BNC2: variants seen among roughly 807,000 people sequenced by gnomAD.
The protein encoded by BNC2 is basonuclin zinc finger protein 2.
BNC2 carries 20 observed loss-of-function variants against 76.3 expected under a neutral mutation model. That is an observed-to-expected ratio of 0.26 (90% CI 0.18 to 0.38). The LOEUF (loss-of-function observed/expected upper bound fraction) is 0.38, where lower values mean the gene tolerates loss of function less well. BNC2 is among the 10% of genes least tolerant of loss of function. The pLI is 1.00. For synonymous variants in BNC2, 582 were observed against 514.8 expected (o/e 1.13, Z -1.77); for missense variants, 1,382 against 1,399.8 (o/e 0.99, Z 0.20).
intron 1 of BNC2, among the ~76,000 whole-genome samples, chr9:16,863,476 C>T (rs1819463996): frequency 6.6e-6 from 1 of 152,146 alleles, no homozygotes; most frequent in Non-Finnish European, 1.5e-5. Context: ...CAGTGGATCA[C>T]CTGAGGTCAG....
Position 16,610,953 on chromosome 9 carries a change from C to A in BNC2, c.331-27868G>T, listed in dbSNP as rs114823542. Among the ~76,000 whole-genome samples the A allele has an allele frequency of 6.4e-3, 981 of 152,168 alleles. 13 individuals carry two copies. Among genetic ancestry groups the A allele is most frequent in the African/African-American group, 0.022 (922 of 41,520 alleles). ...TAATACAGCTCCTGTAATTACACTG[C>A]GGTTCTTTATATTAACTCAGTGAAA... On this transcript the variant is annotated intron_variant, in intron 3 of 6. Coordinates refer to ENST00000380672, the MANE Select transcript of BNC2 (RefSeq NM_017637.6).
chr9:16,707,406 C>G (rs908341910), intron 3 of BNC2, among the ~76,000 whole-genome samples: 1 of 152,138 alleles, frequency 6.6e-6, no homozygotes, highest in Non-Finnish European at 1.5e-5. Flanking sequence ...CAAACAGATA[C>G]ACTTTTCTTC....
At chr9:16,718,055 G>A (rs911860444) in intron 3 of BNC2, among the ~76,000 whole-genome samples, 23 of 152,186 alleles carry the variant, frequency 1.5e-4, no homozygotes, top group African/African-American at 5.5e-4. Flanking sequence ...AATGTGGCCC[G>A]GGATGCAGGA....
intron 1 of BNC2, among the ~76,000 whole-genome samples, chr9:16,780,011 C>G (rs1051973736): frequency 6.6e-6 from 1 of 150,972 alleles, no homozygotes; most frequent in Non-Finnish European, 1.5e-5. Context: ...CCGAGGCGGG[C>G]GGATCACAAG....
At position 16,435,576 on chromosome 9, in the gene BNC2, G is replaced by A; in HGVS notation, c.2618C>T (p.Pro873Leu). Residue 873 changes from proline (P) to leucine (L), a missense_variant, in exon 6 of 7, where the codon CCC becomes CTC. Pro to Leu is a moderately conservative substitution (Grantham distance 98). Around this residue, in one of 3 missense-constraint regions of BNC2, gnomAD observed 798 missense variants for 775.5 expected, o/e 1.03. Coordinates refer to ENST00000380672, the MANE Select transcript of BNC2 (RefSeq NM_017637.6). Reference protein sequence around the residue: ...CTVAGCNAAFPSRRSRDRHSA... With the variant: ...CTVAGCNAAFLSRRSRDRHSA... ...TGACCTGTCTCGGCTTCGGCGAGAG[G>A]GGAATGCAGCATTGCAACCAGCCAC... 4.3e-6 allele frequency: 7 copies of A among 1,614,008 alleles called. No individual in the cohort carries two copies. Among genetic ancestry groups the A allele is most frequent in the Non-Finnish European group, 5.9e-6 (7 of 1,180,006 alleles).
chr9:16,797,809 C>T (rs1688358248), intron 1 of BNC2, among the ~76,000 whole-genome samples: 1 of 152,038 alleles, frequency 6.6e-6, no homozygotes, highest in Non-Finnish European at 1.5e-5. Flanking sequence ...CTCCAGTCTA[C>T]CAGTGTGGCA....
At chr9:16,419,917 C>T (rs1820676230) in intron 6 of BNC2, among the ~76,000 whole-genome samples, 1 of 152,190 alleles carries the variant, frequency 6.6e-6, no homozygotes, top group East Asian at 1.9e-4. Context: ...TGAATGCAAA[C>T]CCGTGCACCT....
At chr9:16,614,958 T>TAAAAAAAAAAAA (rs60545823) in intron 3 of BNC2, among the ~76,000 whole-genome samples, 1 of 62,518 alleles carries the variant, frequency 1.6e-5, no homozygotes, top group Non-Finnish European at 3.0e-5. Context: ...TCTGTCTCTT[T>TAAAAAAAAAAAA]AAAAAAAAAA....
intron 1 of BNC2, among the ~76,000 whole-genome samples, chr9:16,751,631 T>TAC (rs1193815164): frequency 3.8e-5 from 1 of 26,536 alleles, no homozygotes; most frequent in Non-Finnish European, 2.3e-4. Flanking sequence ...TATATATATG[T>TAC]ATGTATATAT....
chr9:16,787,867 C>A lies in BNC2; in HGVS notation c.4-49382G>T, dbSNP rs565865201. ...CGCCCTGCCCTTAGACAATATTAATCAAGCACAGAATTATTTCCTTAGCCA... is the reference window on the plus strand; with the variant it reads ...CGCCCTGCCCTTAGACAATATTAATAAAGCACAGAATTATTTCCTTAGCCA... On this transcript the variant is annotated intron_variant, in intron 1 of 6. Coordinates refer to ENST00000380672, the MANE Select transcript of BNC2 (RefSeq NM_017637.6). 4.6e-5 allele frequency among the ~76,000 whole-genome samples: 7 copies of A among 152,236 alleles called. No homozygotes were observed. The East Asian group carries it at 1.4e-3, about 29-fold the overall frequency.
Position 16,670,438 on chromosome 9 carries a change from C to T in BNC2, c.330+57359G>A, listed in dbSNP as rs371915037. ...CAAGTCATCTTCCCACCTCTGCCTC[C>T]CAAAGTGCTGGGATTACAAGCATGA... is the stretch of plus-strand genomic sequence containing the variant. On this transcript the variant is annotated intron_variant, in intron 3 of 6. Transcript: ENST00000380672. 4.5e-3 allele frequency among the ~76,000 whole-genome samples: 688 copies of T among 152,262 alleles called. 2 individuals carry two copies. Among genetic ancestry groups the T allele is most frequent in the African/African-American group, 0.015 (607 of 41,548 alleles).
At chr9:16,648,056 C>T (rs1432245208) in intron 3 of BNC2, among the ~76,000 whole-genome samples, 1 of 152,014 alleles carries the variant, frequency 6.6e-6, no homozygotes, top group Non-Finnish European at 1.5e-5. Flanking sequence ...CAGAGAGTCA[C>T]CAATGTACGC....
At chr9:16,512,139 TC>T (rs1419204758) in intron 5 of BNC2, among the ~76,000 whole-genome samples, 1 of 152,166 alleles carries the variant, frequency 6.6e-6, no homozygotes, top group African/African-American at 2.4e-5. Context: ...CGCATTACCC[TC>T]CTCAATATTA....
In BNC2 at chr9:16,517,363, C is replaced by A. The variant is rs989444288; in HGVS notation, c.669+35167G>T. 6.8e-4 allele frequency among the ~76,000 whole-genome samples: 103 copies of A among 152,130 alleles called. 1 individual carries two copies. The highest frequency in any genetic ancestry group is 6.7e-3 in the Admixed American group (103 of 15,276). The stretch of plus-strand genomic sequence containing the variant: ...AAAGGCAAGGATATGCTACTATATA[C>A]TGAAATACTGGCATTCACTGCAATA... On this transcript the variant is annotated intron_variant, in intron 5 of 6. Coordinates refer to ENST00000380672, the MANE Select transcript of BNC2 (RefSeq NM_017637.6).
At chr9:16,858,809 G>A (rs1159091703) in intron 1 of BNC2, among the ~76,000 whole-genome samples, 5 of 151,414 alleles carry the variant, frequency 3.3e-5, no homozygotes, top group African/African-American at 1.2e-4. Context: ...TTGCACCACT[G>A]CACTCCAGCC....
At chr9:16,452,655 C>A (rs1285862516) in intron 5 of BNC2, among the ~76,000 whole-genome samples, 1 of 152,140 alleles carries the variant, frequency 6.6e-6, no homozygotes, top group African/African-American at 2.4e-5. Context: ...GGTGATCCAC[C>A]CGCCTCGGCC....
At chr9:16,753,199 TAC>T (rs1825273116) in intron 1 of BNC2, among the ~76,000 whole-genome samples, 1 of 152,200 alleles carries the variant, frequency 6.6e-6, no homozygotes, top group African/African-American at 2.4e-5. Flanking sequence ...AGCATAAAAC[TAC>T]ATTCTTCAAA....
chr9:16,645,095 G>C (rs1267108417), intron 3 of BNC2, among the ~76,000 whole-genome samples: 1 of 152,036 alleles, frequency 6.6e-6, no homozygotes, highest in Non-Finnish European at 1.5e-5. Context: ...ACACATACAA[G>C]AATTTCTCTA....
chr9:16,480,626 C>T (rs574462059), intron 5 of BNC2, among the ~76,000 whole-genome samples: 39 of 152,316 alleles, frequency 2.6e-4, no homozygotes, highest in Middle Eastern at 6.8e-3. Flanking sequence ...CCTGCTGGAC[C>T]GGGCAATGAG....
Sources: allele counts gnomAD v4.1 joint callset (sites outside exome capture counted in the v4.1 genomes callset), GRCh38; gene constraint gnomAD v4.1.1; regional missense constraint gnomAD v4.1.1; transcripts MANE v1.5; gene names NCBI Gene and HGNC (gene_info 2026-07-23, HGNC 2026-07-21).